SLC22A9: variants seen among roughly 807,000 people sequenced by gnomAD.
The protein encoded by SLC22A9 is organic anion transporter 7.
Under a neutral mutation model 50.1 loss-of-function variants are expected in SLC22A9, and 64 were observed. That is an observed-to-expected ratio of 1.28 (90% CI 1.04 to 1.57). The LOEUF (loss-of-function observed/expected upper bound fraction) is 1.57, where lower values mean the gene tolerates loss of function less well. Ranked by LOEUF, SLC22A9 falls within the 40% of genes most tolerant of loss-of-function variation. The pLI, the probability that SLC22A9 is intolerant of heterozygous loss-of-function variation, is 0.00. For synonymous variants in SLC22A9, 261 were observed against 242.5 expected (o/e 1.08, Z -0.71); for missense variants, 757 against 676.1 (o/e 1.12, Z -1.33).
chr11:63,376,457 T>C (rs2014462647), intron 5 of SLC22A9, among the ~76,000 whole-genome samples: 1 of 151,982 alleles, frequency 6.6e-6, no homozygotes, highest in South Asian at 2.1e-4. Context: ...TACACATATA[T>C]AAAGTATTAA....
intron 6 of SLC22A9, among the ~76,000 whole-genome samples, chr11:63,396,603 G>A (rs899308375): frequency 2.0e-5 from 3 of 152,136 alleles, no homozygotes; most frequent in African/African-American, 7.2e-5. Context: ...GGTCCTTTCA[G>A]GAATCCCGTT....
At chr11:63,374,100 T>A (rs1281188274) in intron 4 of SLC22A9, 38 bp downstream of exon 4, 2 of 1,560,418 alleles carry the variant, frequency 1.3e-6, no homozygotes, top group Non-Finnish European at 1.7e-6. Context: ...AATGAGATAT[T>A]GGAATGAGAA....
Position 63,371,128 on chromosome 11 carries a change from C to T in SLC22A9, c.403-7C>T, listed in dbSNP as rs750963299. 1.9e-6 allele frequency: 3 copies of T among 1,607,534 alleles called. No homozygotes were observed. Among genetic ancestry groups the T allele is most frequent in the Non-Finnish European group, 2.6e-6 (3 of 1,174,444 alleles). ...AGCATTGATGTGCTGGCTTCCTTCT[C>T]TTCCAGTGGGATCTGGTATGTGACT... On this transcript the variant is annotated splice_polypyrimidine_tract_variant and splice_region_variant and intron_variant, in intron 1 of 9. Transcript: ENST00000279178.
In SLC22A9 at chr11:63,375,627, G is replaced by T. The variant is rs753998980; in HGVS notation, c.831-18G>T. The T allele has an allele frequency of 1.2e-6, 2 of 1,609,994 alleles. No homozygotes were observed. Among genetic ancestry groups the T allele is most frequent in the South Asian group, 1.1e-5 (1 of 90,756 alleles). On this transcript the variant is annotated intron_variant, in intron 4 of 9. Transcript: ENST00000279178. ...GGAAGTGAAAGTCGACTGCCCCTCT[G>T]TTCTCTTCCTTGGTCAGTTGGCTGC...
In SLC22A9 at chr11:63,410,257, A is replaced by AAAAAAAAAAAAAAAGAAAGAAAG; in HGVS notation, c.*398_*399insAAAAAAAAAAAGAAAGAAAGAAA. ...CTGTCTCAAAAAAAAAAAAAAAAAAAAAAGAAAGAAGGAAAGAAAGAAAGA... is the reference window on the plus strand; with the variant it reads ...CTGTCTCAAAAAAAAAAAAAAAAAAAAAAAAAAAAAAAAAGAAAGAAAGAAAGAAAGAAGGAAAGAAAGAAAGA... On this transcript the variant is annotated 3_prime_UTR_variant, in exon 10 of 10. Coordinates refer to ENST00000279178, the MANE Select transcript of SLC22A9 (RefSeq NM_080866.3). 1 of 108,468 alleles carries AAAAAAAAAAAAAAAGAAAGAAAG rather than the reference A, an allele frequency of 9.2e-6. No individual in the cohort carries two copies. The highest frequency in any genetic ancestry group is 4.4e-5 in the African/African-American group (1 of 22,620). The allele number at this position is 108,468 out of a possible 1,614,324, so 6.7% of individuals were successfully genotyped here. A position where few individuals can be genotyped will look rare whatever the true frequency, so the allele number is the denominator to read the frequency against.
intron 6 of SLC22A9, among the ~76,000 whole-genome samples, chr11:63,406,029 G>A (rs561325372): frequency 6.6e-6 from 1 of 152,120 alleles, no homozygotes; most frequent in Non-Finnish European, 1.5e-5. Flanking sequence ...GACAGGACTT[G>A]GTGGTTGAAA....
intron 5 of SLC22A9, among the ~76,000 whole-genome samples, chr11:63,376,490 A>G (rs1335728587): frequency 1.3e-5 from 2 of 152,030 alleles, no homozygotes; most frequent in African/African-American, 4.8e-5. Context: ...GTATGCACAA[A>G]TGATACTAGA....
chr11:63,404,919 A>G (rs2015011260), intron 6 of SLC22A9, among the ~76,000 whole-genome samples: 1 of 152,128 alleles, frequency 6.6e-6, no homozygotes, highest in Admixed American at 6.6e-5. Flanking sequence ...CACCACCACA[A>G]GAAGAAGCAA....
At chr11:63,382,109 C>T (rs1245813607) in intron 5 of SLC22A9, 50 bp from the exon 6 acceptor site, 8 of 1,448,008 alleles carry the variant, frequency 5.5e-6, no homozygotes, top group Non-Finnish European at 6.7e-6. Context: ...CCTACAGTGC[C>T]TACTCTTTTC....
At chr11:63,377,334 G>GAAAT (rs2014481973) in intron 5 of SLC22A9, among the ~76,000 whole-genome samples, 1 of 151,604 alleles carries the variant, frequency 6.6e-6, no homozygotes, top group Admixed American at 6.6e-5. Flanking sequence ...AAGAAAGAAA[G>GAAAT]AAAGAAAGTA....
At chr11:63,370,531 TC>T (rs1158913588) in intron 1 of SLC22A9, 73 bp downstream of exon 1, 14 of 1,488,830 alleles carry the variant, frequency 9.4e-6, no homozygotes, top group Admixed American at 4.7e-5. Context: ...TAATCATGCT[TC>T]CAGCCTTCAG....
chr11:63,374,985 G>C (rs1280110540), intron 4 of SLC22A9, among the ~76,000 whole-genome samples: 1 of 152,100 alleles, frequency 6.6e-6, no homozygotes, highest in Non-Finnish European at 1.5e-5. Flanking sequence ...AGCCAGTTCA[G>C]TGAAAGACAT....
intron 6 of SLC22A9, among the ~76,000 whole-genome samples, chr11:63,393,673 G>C (rs921196877): frequency 6.6e-6 from 1 of 152,072 alleles, no homozygotes; most frequent in East Asian, 1.9e-4. Context: ...CCTGCTGTTA[G>C]TCTGATGGGG....
chr11:63,390,991 G>A (rs1041698662), intron 6 of SLC22A9, among the ~76,000 whole-genome samples: 4 of 152,040 alleles, frequency 2.6e-5, no homozygotes, highest in Admixed American at 1.3e-4. Context: ...TTCTTTTGCT[G>A]TATCCCGTAG....
At chr11:63,395,086 A>G (rs2014830559) in intron 6 of SLC22A9, among the ~76,000 whole-genome samples, 1 of 151,680 alleles carries the variant, frequency 6.6e-6, no homozygotes. Flanking sequence ...TATTTCCTGA[A>G]GTTTCTTTTG....
At chr11:63,383,177 TC>T (rs1280575591) in intron 6 of SLC22A9, among the ~76,000 whole-genome samples, 1 of 152,144 alleles carries the variant, frequency 6.6e-6, no homozygotes, top group Non-Finnish European at 1.5e-5. Flanking sequence ...ATTTTAGGTT[TC>T]TCCCTCAGGA....
chr11:63,404,307 A>C (rs921225096), intron 6 of SLC22A9, among the ~76,000 whole-genome samples: 3 of 152,152 alleles, frequency 2.0e-5, no homozygotes, highest in African/African-American at 7.2e-5. Flanking sequence ...GTTTTCAGGG[A>C]CAGCGGACAG....
At chr11:63,409,772 T>TC in intron 9 of SLC22A9, 30 bp from the exon 10 acceptor site, 1 of 1,610,292 alleles carries the variant, frequency 6.2e-7, no homozygotes, top group East Asian at 2.2e-5. Flanking sequence ...TTTTTGTGAT[T>TC]TTTTGTTGGT....
intron 6 of SLC22A9, among the ~76,000 whole-genome samples, chr11:63,403,191 A>G (rs1272423178): frequency 6.6e-6 from 1 of 152,106 alleles, no homozygotes; most frequent in Non-Finnish European, 1.5e-5. Context: ...TATCAAAGAA[A>G]AGAGAGAATT....
Sources: allele counts gnomAD v4.1 joint callset (sites outside exome capture counted in the v4.1 genomes callset), GRCh38; gene constraint gnomAD v4.1.1; transcripts MANE v1.5; gene names NCBI Gene and HGNC (gene_info 2026-07-23, HGNC 2026-07-21).